The following DVL3 variants were observed in gnomAD, a reference collection of about 807,000 sequenced individuals.
The protein encoded by DVL3 is segment polarity protein dishevelled homolog DVL-3.
In DVL3, 27 loss-of-function variants were observed where a neutral mutation model predicts 67.4. The ratio of observed to expected loss-of-function variants is 0.40; its 90% CI spans 0.30 to 0.55. DVL3 has a LOEUF of 0.55. Ranked by LOEUF, DVL3 falls within the 20% of genes least tolerant of loss-of-function variation. DVL3 has a pLI of 0.46. For missense variants in DVL3, 819 were observed against 1,021.5 expected (o/e 0.80, Z 2.70); for synonymous variants, 369 against 396.8 (o/e 0.93, Z 0.83).
Position 184,162,631 on chromosome 3 carries a change from C to G in DVL3, c.162-1026C>G, listed in dbSNP as rs1352105911. ...CTGGAGCACAGTGGCGTGATCTCAG[C>G]TCACTGCAACCTCCACCTGCCCGAT... On this transcript the variant is annotated intron_variant, in intron 1 of 14. Coordinates refer to ENST00000313143, the MANE Select transcript of DVL3 (RefSeq NM_004423.4). Among the ~76,000 whole-genome samples, 6 of 146,728 alleles carry G rather than the reference C, an allele frequency of 4.1e-5. No homozygotes were observed. The Admixed American group carries it at 4.2e-4, about 10-fold the overall frequency.
chr3:184,157,873 TCA>T (rs1007393667), intron 1 of DVL3, among the ~76,000 whole-genome samples: 2 of 152,232 alleles, frequency 1.3e-5, no homozygotes, highest in Admixed American at 6.5e-5. Context: ...AGCTGTCTTG[TCA>T]CAGAGGACTA....
Position 184,171,489 on chromosome 3 carries a change from G to C in DVL3, c.*734G>C, listed in dbSNP as rs1245515132. On this transcript the variant is annotated 3_prime_UTR_variant, in exon 15 of 15. Coordinates refer to ENST00000313143, the MANE Select transcript of DVL3 (RefSeq NM_004423.4). ...AGACCCCTAACCCTACTAACCAGCA[G>C]GCTCATCTCACCTCCAGGCCTGAAA... is the stretch of plus-strand genomic sequence containing the variant. 1.0e-6 allele frequency: 1 copy of C among 985,868 alleles called. No individual in the cohort carries two copies. Among genetic ancestry groups the C allele is most frequent in the African/African-American group, 1.7e-5 (1 of 57,246 alleles). The allele number at this position is 985,868 out of a possible 1,614,324, so 61.1% of individuals were successfully genotyped here.
At chr3:184,161,142 G>C (rs1245240305) in intron 1 of DVL3, among the ~76,000 whole-genome samples, 3 of 152,302 alleles carry the variant, frequency 2.0e-5, no homozygotes, top group East Asian at 1.9e-4. Flanking sequence ...TAAGAACAAG[G>C]GGGGCCAGGC....
In DVL3 at chr3:184,170,783, G is replaced by A. The variant is rs2109024215; in HGVS notation, c.*28G>A. 6.2e-7 allele frequency: 1 copy of A among 1,610,274 alleles called. No homozygotes were observed. Among genetic ancestry groups the A allele is most frequent in the Non-Finnish European group, 8.5e-7 (1 of 1,178,826 alleles). ...AGGGCCCCTCCCCCAGCTCCATTCC[G>A]CTCCCACCCCAGCCGGCTGCGTTCC... is the stretch of plus-strand genomic sequence containing the variant. On this transcript the variant is annotated 3_prime_UTR_variant, in exon 15 of 15. Coordinates refer to ENST00000313143, the MANE Select transcript of DVL3 (RefSeq NM_004423.4). The surrounding 1 kb of genome is among the most constrained non-coding windows in gnomAD (Gnocchi z 6.5).
chr3:184,170,393 A>G lies in DVL3; in HGVS notation c.1789A>G (p.Lys597Glu). The stretch of plus-strand genomic sequence containing the variant: ...GAAGGACCCGAAGGCCGGGGACTCC[A>G]AGTCCGGGGGCAGCGGCAGCGAATC... ...KEKDPKAGDS[K>E]SGGSGSESDH... Residue 597 changes from lysine (K) to glutamate (E), a missense_variant, in exon 15 of 15, where the codon AAG (lysine) becomes GAG (glutamate). By Grantham distance (56) the Lys-to-Glu change is moderately conservative (BLOSUM62 1). Transcript: ENST00000313143. This position sits in a 1 kb window ranked among gnomAD's most constrained non-coding sequence, Gnocchi z 6.5. 6.2e-7 allele frequency: 1 copy of G among 1,604,600 alleles called. No individual in the cohort carries two copies. Among genetic ancestry groups the G allele is most frequent in the Non-Finnish European group, 8.5e-7 (1 of 1,175,932 alleles).
chr3:184,162,269 C>G (rs1043004953), intron 1 of DVL3, among the ~76,000 whole-genome samples: 1 of 151,550 alleles, frequency 6.6e-6, no homozygotes. Context: ...CCTTGAACTC[C>G]TAGGCTCAAG....
chr3:184,155,923 C>T lies in DVL3; in HGVS notation c.161+127C>T. 2 of 1,218,376 alleles carry T rather than the reference C, an allele frequency of 1.6e-6. No individual in the cohort carries two copies. The highest frequency in any genetic ancestry group is 2.3e-6 in the Non-Finnish European group (2 of 887,248). The allele number at this position is 1,218,376 out of a possible 1,614,324, so 75.5% of individuals were successfully genotyped here. On this transcript the variant is annotated intron_variant, in intron 1 of 14. Transcript: ENST00000313143. The surrounding 1 kb of genome is among the most constrained non-coding windows in gnomAD (Gnocchi z 5.4). The stretch of plus-strand genomic sequence containing the variant: ...CCCGCTCTGACTTCTAGGGGCGACT[C>T]GGCCCATTTGGGCCCCTTTGGTTCC...
intron 13 of DVL3, among the ~76,000 whole-genome samples, chr3:184,169,214 A>T (rs1714711345): frequency 6.6e-6 from 1 of 152,174 alleles, no homozygotes; most frequent in Non-Finnish European, 1.5e-5. Flanking sequence ...CTCATCTGAG[A>T]AGGTAAGGAG....
At position 184,170,993 on chromosome 3, in the gene DVL3, C is replaced by A; in HGVS notation, c.*238C>A. The A allele has an allele frequency of 1.4e-6, 2 of 1,474,730 alleles. No individual in the cohort carries two copies. Among genetic ancestry groups the A allele is most frequent in the East Asian group, 2.7e-5 (1 of 37,606 alleles). 91.4% of individuals were successfully genotyped at this position (1,474,730 alleles called of 1,614,324 possible). A position where few individuals can be genotyped will look rare whatever the true frequency, so the allele number is the denominator to read the frequency against. ...TTTCCTCTGCCCACTAATCCCTGCG[C>A]AGGACTTCCCAGGACCCCTTTTGTC... On this transcript the variant is annotated 3_prime_UTR_variant, in exon 15 of 15. Coordinates refer to ENST00000313143, the MANE Select transcript of DVL3 (RefSeq NM_004423.4). The surrounding 1 kb of genome is among the most constrained non-coding windows in gnomAD (Gnocchi z 6.5).
At position 184,170,769 on chromosome 3, in the gene DVL3, C is replaced by T. The variant is rs757125018; in HGVS notation, c.*14C>T. ...GATGTGATGTGAGCAGGGCCCCTCC[C>T]CCAGCTCCATTCCGCTCCCACCCCA... On this transcript the variant is annotated 3_prime_UTR_variant, in exon 15 of 15. Transcript: ENST00000313143. This position sits in a 1 kb window ranked among gnomAD's most constrained non-coding sequence, Gnocchi z 6.5. 6.2e-7 allele frequency: 1 copy of T among 1,612,358 alleles called. No homozygotes were observed. Among genetic ancestry groups the T allele is most frequent in the East Asian group, 2.2e-5 (1 of 44,842 alleles).
intron 13 of DVL3, among the ~76,000 whole-genome samples, chr3:184,168,284 C>T (rs1250381319): frequency 1.3e-5 from 2 of 152,240 alleles, no homozygotes; most frequent in Admixed American, 1.3e-4. Context: ...AGTGCCTGCT[C>T]TGCCTGGTAC....
chr3:184,170,139 G>C lies in DVL3; in HGVS notation c.1632G>C (p.Pro544=). 6.2e-7 allele frequency: 1 copy of C among 1,611,608 alleles called. No homozygotes were observed. Among genetic ancestry groups the C allele is most frequent in the Non-Finnish European group, 8.5e-7 (1 of 1,179,928 alleles). The change falls in exon 14 of 15, where the codon CCG becomes CCC. Residue 544 remains proline (P), a synonymous_variant. Coordinates refer to ENST00000313143, the MANE Select transcript of DVL3 (RefSeq NM_004423.4). The surrounding 1 kb of genome is among the most constrained non-coding windows in gnomAD (Gnocchi z 6.5). ...MAFPYQYPPP[P]HPYNPHPGFP... The stretch of plus-strand genomic sequence containing the variant: ...TCCCGTACCAGTACCCGCCACCCCC[G>C]CACCCATACAACCCGCACCCGGGCT...
Position 184,164,847 on chromosome 3 carries a change from G to T in DVL3, c.515G>T (p.Gly172Val), listed in dbSNP as rs1282614318. ...GGGGAACGGCGGCGAGAACCAGGGG[G>T]TTATGATAGCTCATCCACCCTTATG... is the stretch of plus-strand genomic sequence containing the variant. ...AKGERRREPGGYDSSSTLMSS... is the reference protein window; with the variant it reads ...AKGERRREPGVYDSSSTLMSS... Residue 172 changes from glycine (G) to valine (V), a missense_variant, in exon 5 of 15, where the codon GGT becomes GTT. Physicochemically the swap from Gly to Val is moderately radical, Grantham distance 109. Around this residue, in one of 3 missense-constraint regions of DVL3, gnomAD observed 385 missense variants for 486.8 expected, o/e 0.79. Transcript: ENST00000313143. This position sits in a 1 kb window ranked among gnomAD's most constrained non-coding sequence, Gnocchi z 5.3. 11 of 1,614,188 alleles carry T rather than the reference G, an allele frequency of 6.8e-6. No homozygotes were observed. The highest frequency in any genetic ancestry group is 1.7e-5 in the Admixed American group (1 of 60,020).
At position 184,164,923 on chromosome 3, in the gene DVL3, C is replaced by T. The variant is rs747871249; in HGVS notation, c.591C>T (p.Ser197=). The change falls in exon 5 of 15, where the codon TCC becomes TCT. Residue 197 remains serine (S), a synonymous_variant. Coordinates refer to ENST00000313143, the MANE Select transcript of DVL3 (RefSeq NM_004423.4). The surrounding 1 kb of genome is among the most constrained non-coding windows in gnomAD (Gnocchi z 5.3). The stretch of plus-strand genomic sequence containing the variant: ...TCTTTGACTCAGATGAGGATGACTC[C>T]ACCAGCAGGTGGGGCTTGAGTTTCA... ...TSFFDSDEDD[S]TSRFSSSTEQ... 59 of 1,614,044 alleles carry T rather than the reference C, an allele frequency of 3.7e-5. No individual in the cohort carries two copies. The South Asian group carries it at 5.9e-4, about 16-fold the overall frequency.
chr3:184,155,967 C>T lies in DVL3; in HGVS notation c.161+171C>T, dbSNP rs1430346377. Among the ~76,000 whole-genome samples, 4 of 152,180 alleles carry T rather than the reference C, an allele frequency of 2.6e-5. No homozygotes were observed. Among genetic ancestry groups the T allele is most frequent in the Admixed American group, 6.5e-5 (1 of 15,286 alleles). Reference sequence around the variant, plus strand: ...TGGTTCCAGCCCCAGTAGCAACTCCCGTTTACCTCTGAAGAGGGGACGTTG... The same window carrying T: ...TGGTTCCAGCCCCAGTAGCAACTCCTGTTTACCTCTGAAGAGGGGACGTTG... On this transcript the variant is annotated intron_variant, in intron 1 of 14. Transcript: ENST00000313143. The surrounding 1 kb of genome is among the most constrained non-coding windows in gnomAD (Gnocchi z 5.4).
chr3:184,169,993 C>CT lies in DVL3; in HGVS notation c.1499-12dup, dbSNP rs751885288. ...CGGAAAGACCTAGCTCCATCCGGCC[C>CT]TCCCCTTCACAGACATGGCCAACCT... On this transcript the variant is annotated splice_polypyrimidine_tract_variant and intron_variant, in intron 13 of 14. Coordinates refer to ENST00000313143, the MANE Select transcript of DVL3 (RefSeq NM_004423.4). The CT allele has an allele frequency of 5.0e-6, 8 of 1,591,388 alleles. No homozygotes were observed. The highest frequency in any genetic ancestry group is 1.1e-5 in the South Asian group (1 of 88,488).
rs1177904821 is a variant in DVL3 at position 184,155,393 on chromosome 3, G to T, written c.-243G>T. 2 of 151,060 alleles carry T rather than the reference G, an allele frequency of 1.3e-5. No homozygotes were observed. Among genetic ancestry groups the T allele is most frequent in the South Asian group, 1.9e-4 (1 of 5,354 alleles). 9.4% of individuals were successfully genotyped at this position (151,060 alleles called of 1,614,324 possible). A position where few individuals can be genotyped will look rare whatever the true frequency, so the allele number is the denominator to read the frequency against. On this transcript the variant is annotated 5_prime_UTR_variant, in exon 1 of 15. Coordinates refer to ENST00000313143, the MANE Select transcript of DVL3 (RefSeq NM_004423.4). This position sits in a 1 kb window ranked among gnomAD's most constrained non-coding sequence, Gnocchi z 5.4. ...CGAAGCCCTGGGCCGGGAGGGCCGC[G>T]GCCACCGGAAGAGTCGCGGTCGCCA...
Position 184,155,475 on chromosome 3 carries a change from T to G in DVL3, c.-161T>G. ...CGGCCGCGGCGGCGGCGGGCGGCGC[T>G]GGGACCCGGTAGCGGCCGGAGAACA... On this transcript the variant is annotated 5_prime_UTR_variant, in exon 1 of 15. Transcript: ENST00000313143. This position sits in a 1 kb window ranked among gnomAD's most constrained non-coding sequence, Gnocchi z 5.4. 2.4e-5 allele frequency: 5 copies of G among 206,656 alleles called. No individual in the cohort carries two copies. Among genetic ancestry groups the G allele is most frequent in the Non-Finnish European group, 4.1e-5 (5 of 120,878 alleles). 12.8% of individuals were successfully genotyped at this position (206,656 alleles called of 1,614,324 possible).
chr3:184,165,223 G>A lies in DVL3; in HGVS notation c.693+17G>A. 6.3e-7 allele frequency: 1 copy of A among 1,575,840 alleles called. No homozygotes were observed. The highest frequency in any genetic ancestry group is 8.6e-7 in the Non-Finnish European group (1 of 1,159,860). ...ATTGAGCGGGTATGGGGTCTGGGAGGCTAGGGATGGGTGGAGGCAGATTGT... is the reference window on the plus strand; with the variant it reads ...ATTGAGCGGGTATGGGGTCTGGGAGACTAGGGATGGGTGGAGGCAGATTGT... On this transcript the variant is annotated intron_variant, in intron 6 of 14. Transcript: ENST00000313143. This position sits in a 1 kb window ranked among gnomAD's most constrained non-coding sequence, Gnocchi z 4.1.
Sources: gnomAD v4.1 joint callset for allele counts (sites outside exome capture counted in the v4.1 genomes callset) on GRCh38, gnomAD v4.1.1 for gene constraint, gnomAD v4.1.1 regional missense constraint, Gnocchi (gnomAD v3.1) non-coding constraint, MANE v1.5 for transcripts, NCBI Gene and HGNC (gene_info 2026-07-23, HGNC 2026-07-21) for gene names.